CNTNAP5: variants seen among roughly 807,000 people sequenced by gnomAD.
The protein encoded by CNTNAP5 is contactin-associated protein-like 5.
A neutral mutation model predicts 150.2 loss-of-function variants in CNTNAP5; 72 were observed. The observed-to-expected ratio is 0.48, with a 90% CI of 0.40 to 0.58. The LOEUF is 0.58. Among genes scored for constraint, CNTNAP5 ranks in the 20% least tolerant of loss-of-function variants. CNTNAP5 has a pLI of 0.00. For missense variants in CNTNAP5, 1,636 were observed against 1,626.2 expected, an observed-to-expected ratio of 1.01 and a Z score of -0.10; for synonymous variants, 672 against 619.8, an observed-to-expected ratio of 1.08 and a Z score of -1.25.
chr2:124,160,552 A>G (rs1301321806), intron 1 of CNTNAP5, among the ~76,000 whole-genome samples: 1 of 151,786 alleles, frequency 6.6e-6, no homozygotes, highest in Non-Finnish European at 1.5e-5. Context: ...TAAGAGCAAT[A>G]GACCATGGCC....
intron 3 of CNTNAP5, among the ~76,000 whole-genome samples, chr2:124,315,161 A>G (rs1051154142): frequency 1.3e-5 from 2 of 151,984 alleles, no homozygotes; most frequent in African/African-American, 2.4e-5. Flanking sequence ...CAGTCTTTCT[A>G]TGTTACTCAG....
At chr2:124,846,416 G>A (rs180756149) in intron 19 of CNTNAP5, among the ~76,000 whole-genome samples, 27 of 152,184 alleles carry the variant, frequency 1.8e-4, no homozygotes, top group African/African-American at 5.8e-4. Context: ...TTCATTTCCA[G>A]GAGTTGTAAT....
At chr2:124,349,350 T>C (rs1405760404) in intron 3 of CNTNAP5, among the ~76,000 whole-genome samples, 1 of 152,194 alleles carries the variant, frequency 6.6e-6, no homozygotes, top group Non-Finnish European at 1.5e-5. Flanking sequence ...TAAAAAATGT[T>C]GTATTATAAT....
chr2:124,284,900 G>A (rs1373384127), intron 3 of CNTNAP5, among the ~76,000 whole-genome samples: 4 of 152,104 alleles, frequency 2.6e-5, no homozygotes, highest in African/African-American at 7.2e-5. Flanking sequence ...CAAGGGAAAG[G>A]CCTGTGTGAA....
intron 3 of CNTNAP5, among the ~76,000 whole-genome samples, chr2:124,346,235 A>G (rs1030828380): frequency 6.6e-6 from 1 of 152,190 alleles, no homozygotes; most frequent in African/African-American, 2.4e-5. Flanking sequence ...ACTGCATAAC[A>G]CTGCAGCACT....
At chr2:124,073,737 T>C (rs1396510973) in intron 1 of CNTNAP5, among the ~76,000 whole-genome samples, 1 of 152,060 alleles carries the variant, frequency 6.6e-6, no homozygotes, top group Non-Finnish European at 1.5e-5. Flanking sequence ...ATACGATTCA[T>C]GGAAATGTTA....
intron 1 of CNTNAP5, among the ~76,000 whole-genome samples, chr2:124,198,865 C>CTT (rs56176605): frequency 4.3e-5 from 6 of 139,268 alleles, no homozygotes; most frequent in African/African-American, 1.3e-4. Context: ...CACATGATTT[C>CTT]TTTTTTTTTT....
intron 21 of CNTNAP5, among the ~76,000 whole-genome samples, chr2:124,875,118 C>A (rs1677827059): frequency 6.6e-6 from 1 of 152,036 alleles, no homozygotes; most frequent in African/African-American, 2.4e-5. Flanking sequence ...TAATTCTCCC[C>A]AATCCCTCAG....
At chr2:124,586,098 T>C (rs1316886789) in intron 11 of CNTNAP5, among the ~76,000 whole-genome samples, 1 of 152,142 alleles carries the variant, frequency 6.6e-6, no homozygotes, top group Non-Finnish European at 1.5e-5. Flanking sequence ...ATAGTAGGAC[T>C]TCTCATATAT....
At position 124,504,293 on chromosome 2, in the gene CNTNAP5, G is replaced by A. The variant is rs746439581; in HGVS notation, c.1064G>A (p.Gly355Asp). The A allele has an allele frequency of 2.5e-6, 4 of 1,610,380 alleles. No homozygotes were observed. The East Asian group carries it at 6.7e-5, about 27-fold the overall frequency. The change falls in exon 8 of 24, where the codon GGC (glycine) becomes GAC (aspartate). Residue 355 changes from glycine to aspartate, a missense_variant and splice_region_variant. Transcript: ENST00000682447. ...TGTTTGACTTTTATTGTTTTCCAGG[G>A]CAATGTCACTTTTTCCTGCTCCGAA... ...KRRKHQIYTV[G>D]NVTFSCSEPQ...
intron 13 of CNTNAP5, among the ~76,000 whole-genome samples, chr2:124,655,999 A>AAAGAAGGAAGGAAGGAAGG (rs1317556643): frequency 2.2e-5 from 2 of 90,624 alleles, no homozygotes; most frequent in Non-Finnish European, 4.6e-5. Context: ...AAGAAAGAAA[A>AAAGAAGGAAGGAAGGAAGG]AAGGAAGGAA....
intron 11 of CNTNAP5, among the ~76,000 whole-genome samples, chr2:124,567,083 G>A (rs997587393): frequency 5.9e-5 from 9 of 152,132 alleles, no homozygotes; most frequent in East Asian, 1.9e-4. Flanking sequence ...CAAGCTCTTC[G>A]AAAACAGTCT....
At chr2:124,601,575 C>T (rs774909668) in intron 11 of CNTNAP5, among the ~76,000 whole-genome samples, 5 of 152,170 alleles carry the variant, frequency 3.3e-5, no homozygotes, top group African/African-American at 7.2e-5. Context: ...ACAGCCTATA[C>T]GGAGCAAAGA....
At chr2:124,176,446 A>G (rs1685066718) in intron 1 of CNTNAP5, among the ~76,000 whole-genome samples, 1 of 152,216 alleles carries the variant, frequency 6.6e-6, no homozygotes, top group South Asian at 2.1e-4. Flanking sequence ...TATAGGGGCC[A>G]AGGGAAAATT....
At chr2:124,292,017 A>G (rs1688307472) in intron 3 of CNTNAP5, among the ~76,000 whole-genome samples, 1 of 152,168 alleles carries the variant, frequency 6.6e-6, no homozygotes, top group Admixed American at 6.5e-5. Flanking sequence ...GCCCAAGTCT[A>G]CACAGTTTTC....
At chr2:124,833,103 T>G (rs1682752040) in intron 19 of CNTNAP5, among the ~76,000 whole-genome samples, 1 of 151,816 alleles carries the variant, frequency 6.6e-6, no homozygotes, top group Admixed American at 6.6e-5. Context: ...AAAGATGAGG[T>G]TTTGCCATGT....
At chr2:124,840,758 T>C (rs1453348138) in intron 19 of CNTNAP5, among the ~76,000 whole-genome samples, 2 of 152,034 alleles carry the variant, frequency 1.3e-5, no homozygotes, top group East Asian at 1.9e-4. Flanking sequence ...TTTTAGAAAA[T>C]GGTTTAGGAA....
chr2:124,374,992 T>C (rs1000524630), intron 3 of CNTNAP5, among the ~76,000 whole-genome samples: 2 of 152,090 alleles, frequency 1.3e-5, no homozygotes, highest in Non-Finnish European at 2.9e-5. Context: ...ACTAAAATTC[T>C]ATGAATCTAA....
chr2:124,071,092 C>T (rs989025057), intron 1 of CNTNAP5, among the ~76,000 whole-genome samples: 31 of 151,764 alleles, frequency 2.0e-4, no homozygotes, highest in Non-Finnish European at 3.8e-4. Context: ...CCTGAATTAC[C>T]AGAGGGTCAA....
Sources: allele counts gnomAD v4.1 joint callset (sites outside exome capture counted in the v4.1 genomes callset), GRCh38; gene constraint gnomAD v4.1.1; transcripts MANE v1.5; gene names NCBI Gene and HGNC (gene_info 2026-07-23, HGNC 2026-07-21).